Variants in YTHDF2 observed in about 807,000 individuals in gnomAD.
The protein encoded by YTHDF2 is YTH N6-methyladenosine RNA binding protein F2, also known as YTH domain-containing family protein 2.
A neutral mutation model predicts 50.4 loss-of-function variants in YTHDF2; 2 were observed. That is an observed-to-expected ratio of 0.04 (90% confidence interval 0.02 to 0.12). The LOEUF (loss-of-function observed/expected upper bound fraction) is 0.12. Among genes scored for constraint, YTHDF2 ranks in the 10% least tolerant of loss-of-function variants. The pLI, the probability that YTHDF2 is intolerant of heterozygous loss-of-function variation, is 1.00. For missense variants in YTHDF2, 483 were observed against 722.6 expected (o/e 0.67, Z 3.80); for synonymous variants, 217 against 255.6 (o/e 0.85, Z 1.44).
chr1:28,760,414 C>A (rs1056944076), intron 4 of YTHDF2, among the ~76,000 whole-genome samples: 11 of 151,982 alleles, frequency 7.2e-5, no homozygotes, highest in African/African-American at 2.4e-4. Context: ...CCTGCCTTAG[C>A]CTCCAGAGTA....
intron 4 of YTHDF2, among the ~76,000 whole-genome samples, chr1:28,768,663 G>A (rs183898356): frequency 6.6e-6 from 1 of 152,230 alleles, no homozygotes; most frequent in East Asian, 1.9e-4. Context: ...TGGGGGGCCT[G>A]ACAACTAAGT....
At chr1:28,741,537 C>T (rs1376448611) in intron 3 of YTHDF2, among the ~76,000 whole-genome samples, 1 of 152,064 alleles carries the variant, frequency 6.6e-6, no homozygotes. Flanking sequence ...CTCAAGTCAT[C>T]CACCCCTCTG....
chr1:28,761,778 TCAAACTGCTGGTCCCAGCCTCC>T (rs2088137332), intron 4 of YTHDF2, among the ~76,000 whole-genome samples: 1 of 152,154 alleles, frequency 6.6e-6, no homozygotes, highest in Non-Finnish European at 1.5e-5. Flanking sequence ...CAGGCTGGTC[TCAAACTGCTGGTCCCAGCCTCC>T]CAAAGTGCTG....
chr1:28,737,401 C>T, intron 1 of YTHDF2: 1 of 636,056 alleles, frequency 1.6e-6, no homozygotes, highest in South Asian at 2.1e-5. Context: ...GTTTTCCTTC[C>T]TTGTTTCCTT....
At chr1:28,746,159 G>A (rs1288496437) in intron 4 of YTHDF2, among the ~76,000 whole-genome samples, 1 of 152,160 alleles carries the variant, frequency 6.6e-6, no homozygotes, top group Non-Finnish European at 1.5e-5. Context: ...CAAGTAAGGA[G>A]GCCATGATCT....
At chr1:28,761,692 G>A (rs1342060485) in intron 4 of YTHDF2, among the ~76,000 whole-genome samples, 1 of 152,050 alleles carries the variant, frequency 6.6e-6, no homozygotes, top group African/African-American at 2.4e-5. Context: ...AGCCGAGATT[G>A]CGCCATTGCA....
chr1:28,741,995 T>C (rs1041490164), intron 3 of YTHDF2, among the ~76,000 whole-genome samples: 11 of 152,104 alleles, frequency 7.2e-5, no homozygotes, highest in African/African-American at 2.4e-4. Context: ...AAATTTCTTA[T>C]GATATAAAAA....
chr1:28,764,483 C>G (rs967903041), intron 4 of YTHDF2, among the ~76,000 whole-genome samples: 3 of 151,512 alleles, frequency 2.0e-5, no homozygotes, highest in African/African-American at 7.3e-5. Flanking sequence ...CCATCTTGCC[C>G]AGGCTGATCT....
chr1:28,747,422 T>C (rs1030931881), intron 4 of YTHDF2, among the ~76,000 whole-genome samples: 25 of 151,522 alleles, frequency 1.6e-4, no homozygotes, highest in African/African-American at 5.8e-4. Context: ...ATACAAAAAT[T>C]AGCTGGGCAT....
chr1:28,737,777 C>A (rs1231504019), intron 2 of YTHDF2, 95 bp downstream of exon 2: 2 of 1,487,346 alleles, frequency 1.3e-6, no homozygotes, highest in African/African-American at 2.8e-5. Context: ...GAGGACCTTT[C>A]GGAAGCCGCT....
rs1279998361 is a variant in YTHDF2, at chr1:28,742,338, G to T, written c.133-65G>T. The T allele has an allele frequency of 4.0e-6, 6 of 1,507,438 alleles. No homozygotes were observed. The South Asian group carries it at 4.1e-5, about 10-fold the overall frequency. The allele number at this position is 1,507,438 out of a possible 1,614,324, so 93.4% of individuals were successfully genotyped here. ...GTATATTTGAATTGCGTGACTAGGT[G>T]GGGGGAGGAAATAGCCTGATGTTAA... On this transcript the variant is annotated intron_variant, in intron 3 of 4. Coordinates refer to ENST00000373812, the MANE Select transcript of YTHDF2 (RefSeq NM_016258.3).
intron 3 of YTHDF2, among the ~76,000 whole-genome samples, 161 bp from the exon 4 acceptor site, chr1:28,742,242 G>A (rs80290977): frequency 0.06 from 9,077 of 152,008 alleles, 363 homozygotes; most frequent in East Asian, 0.14. Flanking sequence ...TGATCCACCC[G>A]CCTCCACCTC....
intron 4 of YTHDF2, among the ~76,000 whole-genome samples, chr1:28,745,885 A>G (rs1438007457): frequency 6.6e-6 from 1 of 151,754 alleles, no homozygotes; most frequent in East Asian, 1.9e-4. Flanking sequence ...CTAAAAAAGA[A>G]AAAATTAGCT....
chr1:28,741,385 C>A (rs1229859857), intron 3 of YTHDF2, among the ~76,000 whole-genome samples: 3 of 151,938 alleles, frequency 2.0e-5, no homozygotes, highest in Non-Finnish European at 4.4e-5. Flanking sequence ...GCAACCTCGG[C>A]CTCTTGGATT....
chr1:28,760,872 G>A (rs754086500), intron 4 of YTHDF2, among the ~76,000 whole-genome samples: 11 of 152,036 alleles, frequency 7.2e-5, no homozygotes, highest in Non-Finnish European at 1.5e-4. Flanking sequence ...GAACCACTGC[G>A]CCTGGCCGAA....
At position 28,742,397 on chromosome 1, in the gene YTHDF2, C is replaced by T. The variant is rs1304524200; in HGVS notation, c.133-6C>T. The T allele has an allele frequency of 6.6e-7, 1 of 1,526,166 alleles. No homozygotes were observed. The highest frequency in any genetic ancestry group is 8.8e-7 in the Non-Finnish European group (1 of 1,138,576). 94.5% of individuals were successfully genotyped at this position (1,526,166 alleles called of 1,614,324 possible). On this transcript the variant is annotated splice_polypyrimidine_tract_variant and splice_region_variant and intron_variant, in intron 3 of 4. Transcript: ENST00000373812. ...GTTTTGATTTGCCTTTTTTTTTCTT[C>T]CACAGAATAATGCATATACTGCCAT...
chr1:28,764,751 C>A (rs549326509), intron 4 of YTHDF2, among the ~76,000 whole-genome samples: 30 of 152,246 alleles, frequency 2.0e-4, no homozygotes, highest in African/African-American at 5.5e-4. Flanking sequence ...CCATGTTGGC[C>A]ATGCTGGTCT....
At chr1:28,737,326 C>T (rs2087705803) in intron 1 of YTHDF2, 179 bp downstream of exon 1, 6 of 813,558 alleles carry the variant, frequency 7.4e-6, no homozygotes, top group Admixed American at 7.2e-5. Context: ...GTTCTTCCCG[C>T]TTCTCCTCGG....
chr1:28,743,229 C>T lies in YTHDF2; in HGVS notation c.959C>T (p.Ala320Val), dbSNP rs1206789125. 6.2e-7 allele frequency: 1 copy of T among 1,614,116 alleles called. No homozygotes were observed. Among genetic ancestry groups the T allele is most frequent in the Non-Finnish European group, 8.5e-7 (1 of 1,180,036 alleles). ...QANNSPPVAQ[A>V]SVGQQTQPLP... ...AACAATAGCCCACCAGTGGCTCAGG[C>T]ATCAGTAGGGCAACAGACACAGCCA... Residue 320 changes from alanine (A) to valine (V), a missense_variant, in exon 4 of 5, where the codon GCA becomes GTA. Coordinates refer to ENST00000373812, the MANE Select transcript of YTHDF2 (RefSeq NM_016258.3). This position sits in a 1 kb window ranked among gnomAD's most constrained non-coding sequence, Gnocchi z 6.9.
Sources: allele counts gnomAD v4.1 joint callset (sites outside exome capture counted in the v4.1 genomes callset), GRCh38; gene constraint gnomAD v4.1.1; non-coding constraint Gnocchi (gnomAD v3.1); transcripts MANE v1.5; gene names NCBI Gene and HGNC (gene_info 2026-07-23, HGNC 2026-07-21).